C1QL1: variants seen among roughly 807,000 people sequenced by gnomAD.
The protein encoded by C1QL1 is complement C1q like 1.
In C1QL1, 15 loss-of-function variants were observed where a neutral mutation model predicts 14.2. The ratio of observed to expected loss-of-function variants is 1.06; its 90% CI spans 0.71 to 1.62. The LOEUF is 1.62. Among genes scored for constraint, C1QL1 ranks in the 40% most tolerant of loss-of-function variants. The pLI is 0.00. For synonymous variants in C1QL1, 172 were observed against 172.4 expected (o/e 1.00, Z 0.02); for missense variants, 346 against 380.3 (o/e 0.91, Z 0.75).
In C1QL1 at chr17:44,960,203, G is replaced by A. The variant is rs1194673845; in HGVS notation, c.762C>T (p.Ile254=). The change falls in exon 2 of 2, where the codon ATC becomes ATT. Residue 254 remains isoleucine (I), a synonymous_variant. Transcript: ENST00000253407. ...SNKYSTFSGF[I]IYSD ...CGTGGGGAGCTCAGTCGGAGTAGAT[G>A]ATGAAGCCAGAGAACGTGCTGTATT... The A allele has an allele frequency of 1.2e-6, 2 of 1,614,164 alleles. No homozygotes were observed. Among genetic ancestry groups the A allele is most frequent in the Non-Finnish European group, 1.7e-6 (2 of 1,179,996 alleles).
chr17:44,963,045 G>A (rs1398592369), intron 1 of C1QL1, among the ~76,000 whole-genome samples: 1 of 152,154 alleles, frequency 6.6e-6, no homozygotes, highest in Non-Finnish European at 1.5e-5. Flanking sequence ...GGGTCCAAGG[G>A]GAAGTGTGGG....
At chr17:44,965,301 C>T (rs1312983093) in intron 1 of C1QL1, among the ~76,000 whole-genome samples, 2 of 152,124 alleles carry the variant, frequency 1.3e-5, no homozygotes, top group East Asian at 1.9e-4. Flanking sequence ...CGTGAGCCAC[C>T]GTGCCTGGCC....
chr17:44,963,574 C>G (rs559852706), intron 1 of C1QL1, among the ~76,000 whole-genome samples: 6 of 152,210 alleles, frequency 3.9e-5, no homozygotes, highest in African/African-American at 1.4e-4. Flanking sequence ...AGGCACCCAC[C>G]ACCACACCCG....
At chr17:44,960,852 C>T (rs1160077796) in intron 1 of C1QL1, among the ~76,000 whole-genome samples, 1 of 152,230 alleles carries the variant, frequency 6.6e-6, no homozygotes, top group Admixed American at 6.5e-5. Context: ...ACCTTGGCCC[C>T]ACAGGTCAGG....
At position 44,960,341 on chromosome 17, in the gene C1QL1, G is replaced by C; in HGVS notation, c.624C>G (p.Asp208Glu). Residue 208 changes from aspartate (D) to glutamate (E), a missense_variant, in exon 2 of 2, where the codon GAC (aspartate) becomes GAG (glutamate). Transcript: ENST00000253407. The part of the protein sequence containing the change: ...GQVRASAIAQ[D>E]ADQNYDYASN... ...TGGCGTAGTCGTAGTTCTGGTCCGC[G>C]TCCTGGGCAATAGCACTGGCCCGCA... 6.2e-7 allele frequency: 1 copy of C among 1,613,952 alleles called. No homozygotes were observed. The highest frequency in any genetic ancestry group is 8.5e-7 in the Non-Finnish European group (1 of 1,180,010).
At chr17:44,966,366 A>G (rs771228680) in intron 1 of C1QL1, among the ~76,000 whole-genome samples, 3 of 152,214 alleles carry the variant, frequency 2.0e-5, no homozygotes, top group Non-Finnish European at 4.4e-5. Flanking sequence ...CTTGTATCTT[A>G]ATCGTGAGAG....
intron 1 of C1QL1, among the ~76,000 whole-genome samples, chr17:44,964,277 G>T (rs1269028799): frequency 6.6e-6 from 1 of 152,204 alleles, no homozygotes; most frequent in African/African-American, 2.4e-5. Context: ...GGTGGCCCCT[G>T]GTTCTGAAGT....
At chr17:44,962,067 G>A (rs910176963) in intron 1 of C1QL1, among the ~76,000 whole-genome samples, 18 of 151,870 alleles carry the variant, frequency 1.2e-4, no homozygotes, top group African/African-American at 4.1e-4. Context: ...CCCTCTCCAG[G>A]ACTGTGGCTT....
At position 44,967,731 on chromosome 17, in the gene C1QL1, G is replaced by A; in HGVS notation, c.318C>T (p.Gly106=). 1.2e-6 allele frequency: 2 copies of A among 1,603,204 alleles called. No homozygotes were observed. The highest frequency in any genetic ancestry group is 1.7e-6 in the Non-Finnish European group (2 of 1,176,862). ...CCCCCGCGCCCGGCAGCCCCGGAGG[G>A]CCCGGCTTGCCTGGCTCACCCTTCT... ...PGEKGEPGKP[G]PPGLPGAGGS... is the part of the protein sequence containing the mutation. Residue 106 remains glycine (G), a synonymous_variant, in exon 1 of 2, where the codon GGC becomes GGT. Coordinates refer to ENST00000253407, the MANE Select transcript of C1QL1 (RefSeq NM_006688.5). This position sits in a 1 kb window ranked among gnomAD's most constrained non-coding sequence, Gnocchi z 7.0.
chr17:44,959,911 A>C lies in C1QL1; in HGVS notation c.*277T>G. ...GGTGGGCTGGCAGGCGGAGGTGGGC[A>C]GTAAACAGTCCTATTGTACAAATAT... On this transcript the variant is annotated 3_prime_UTR_variant, in exon 2 of 2. Transcript: ENST00000253407. 1 of 351,412 alleles carries C rather than the reference A, an allele frequency of 2.8e-6. No homozygotes were observed. The highest frequency in any genetic ancestry group is 5.1e-6 in the Non-Finnish European group (1 of 194,306). The allele number at this position is 351,412 out of a possible 1,614,324, so 21.8% of individuals were successfully genotyped here.
chr17:44,964,020 C>G (rs577810088), intron 1 of C1QL1, among the ~76,000 whole-genome samples: 1 of 152,344 alleles, frequency 6.6e-6, no homozygotes, highest in African/African-American at 2.4e-5. Flanking sequence ...TCCCCAGGCT[C>G]CTTGCATCCT....
intron 1 of C1QL1, among the ~76,000 whole-genome samples, chr17:44,966,730 A>G (rs1255989248): frequency 6.6e-6 from 1 of 152,034 alleles, no homozygotes; most frequent in African/African-American, 2.4e-5. Context: ...GGAGACCAAG[A>G]GGAGGGGGAG....
chr17:44,965,834 T>G (rs1328798587), intron 1 of C1QL1, among the ~76,000 whole-genome samples: 1 of 152,188 alleles, frequency 6.6e-6, no homozygotes, highest in Non-Finnish European at 1.5e-5. Context: ...CAGCCCAAAC[T>G]TCTTTGGGAA....
chr17:44,959,992 C>A lies in C1QL1; in HGVS notation c.*196G>T. On this transcript the variant is annotated 3_prime_UTR_variant, in exon 2 of 2. Transcript: ENST00000253407. ...CCGGTTCCCTGGCACGGGGACAGGGCGCGCTGGGCCCGGCTCTGCAGCGAG... is the reference window on the plus strand; with the variant it reads ...CCGGTTCCCTGGCACGGGGACAGGGAGCGCTGGGCCCGGCTCTGCAGCGAG... The A allele has an allele frequency of 1.7e-6, 1 of 579,754 alleles. No homozygotes were observed. The highest frequency in any genetic ancestry group is 3.0e-6 in the Non-Finnish European group (1 of 328,490). 35.9% of individuals were successfully genotyped at this position (579,754 alleles called of 1,614,324 possible).
intron 1 of C1QL1, among the ~76,000 whole-genome samples, chr17:44,963,155 A>G (rs952790420): frequency 3.3e-5 from 5 of 152,156 alleles, no homozygotes; most frequent in Non-Finnish European, 7.4e-5. Flanking sequence ...GGGGAAACTG[A>G]GGCAATGGTC....
intron 1 of C1QL1, 141 bp from the exon 2 acceptor site, chr17:44,960,508 T>G (rs1228155319): frequency 9.6e-6 from 6 of 626,664 alleles, no homozygotes; most frequent in Non-Finnish European, 1.7e-5. Context: ...ACGCTCCCCC[T>G]CCCCCGCCCC....
At chr17:44,963,724 C>A (rs2052640851) in intron 1 of C1QL1, among the ~76,000 whole-genome samples, 2 of 152,160 alleles carry the variant, frequency 1.3e-5, no homozygotes, top group African/African-American at 4.8e-5. Context: ...CTGTGCACAG[C>A]CTTCTTAGGT....
chr17:44,960,826 A>G (rs774987751), intron 1 of C1QL1, among the ~76,000 whole-genome samples: 2 of 152,172 alleles, frequency 1.3e-5, no homozygotes, highest in Non-Finnish European at 1.5e-5. Context: ...ATGTCAGTGG[A>G]TGGACACAAG....
intron 1 of C1QL1, among the ~76,000 whole-genome samples, chr17:44,966,037 G>T (rs2052655650): frequency 6.6e-6 from 1 of 152,234 alleles, no homozygotes; most frequent in Admixed American, 6.5e-5. Context: ...GACATACAAG[G>T]AATAGAGAAG....
Sources: gnomAD v4.1 joint callset for allele counts (sites outside exome capture counted in the v4.1 genomes callset) on GRCh38, gnomAD v4.1.1 for gene constraint, Gnocchi (gnomAD v3.1) non-coding constraint, MANE v1.5 for transcripts, NCBI Gene and HGNC (gene_info 2026-07-23, HGNC 2026-07-21) for gene names.